DHX35: variants seen among roughly 807,000 people sequenced by gnomAD.
DHX35 encodes the protein DEAH-box helicase 35, also known as probable ATP-dependent RNA helicase DHX35.
Under a neutral mutation model 99.6 loss-of-function variants are expected in DHX35, and 84 were observed. The observed-to-expected ratio is 0.84, with a 90% CI of 0.71 to 1.01. The LOEUF (loss-of-function observed/expected upper bound fraction) is 1.01. Ranked by LOEUF, DHX35 falls within the 50% of genes least tolerant of loss-of-function variation. The pLI is 0.00. For missense variants in DHX35, 852 were observed against 888.5 expected (o/e 0.96, Z 0.52); for synonymous variants, 331 against 316.2 (o/e 1.05, Z -0.50).
chr20:39,030,827 C>T (rs761981810), intron 20 of DHX35, 52 bp downstream of exon 20: 1 of 1,578,480 alleles, frequency 6.3e-7, no homozygotes, highest in South Asian at 1.1e-5. Flanking sequence ...GGGCCATGTT[C>T]TTGTTTTTCT....
chr20:39,021,968 CA>C (rs2086879959), intron 16 of DHX35, 33 bp downstream of exon 16: 1 of 1,606,744 alleles, frequency 6.2e-7, no homozygotes, highest in African/African-American at 1.3e-5. Flanking sequence ...CTGTCTGTAC[CA>C]GTCTCTTTTG....
chr20:38,966,348 C>T (rs1321195396), intron 1 of DHX35, among the ~76,000 whole-genome samples: 1 of 152,194 alleles, frequency 6.6e-6, no homozygotes, highest in East Asian at 1.9e-4. Context: ...AGAAGGTATA[C>T]TGTTTATCAA....
At chr20:38,963,281 C>T (rs1391152003) in intron 1 of DHX35, among the ~76,000 whole-genome samples, 1 of 152,154 alleles carries the variant, frequency 6.6e-6, no homozygotes, top group Non-Finnish European at 1.5e-5. Context: ...TTTTTTTCTA[C>T]CACCTGCACC....
intron 8 of DHX35, among the ~76,000 whole-genome samples, chr20:39,000,730 A>G (rs1225990650): frequency 4.6e-5 from 7 of 152,188 alleles, no homozygotes; most frequent in Non-Finnish European, 7.3e-5. Context: ...GTAAAGGTAC[A>G]TAGGGAAATA....
At chr20:39,028,888 C>G (rs2086999584) in intron 19 of DHX35, among the ~76,000 whole-genome samples, 1 of 152,206 alleles carries the variant, frequency 6.6e-6, no homozygotes, top group East Asian at 1.9e-4. Flanking sequence ...AGTCCCCTCC[C>G]ACCCTGGTAT....
chr20:39,007,698 A>C (rs1477299682), intron 12 of DHX35, among the ~76,000 whole-genome samples: 1 of 152,166 alleles, frequency 6.6e-6, no homozygotes, highest in Non-Finnish European at 1.5e-5. Context: ...GGAAGGTACA[A>C]GTACTTGCAG....
At chr20:38,973,533 T>C (rs960577519) in intron 3 of DHX35, among the ~76,000 whole-genome samples, 3 of 152,248 alleles carry the variant, frequency 2.0e-5, no homozygotes, top group Non-Finnish European at 4.4e-5. Flanking sequence ...TTATTCTGGC[T>C]ACTAACCTCA....
chr20:39,036,555 G>A (rs945371399), intron 21 of DHX35, among the ~76,000 whole-genome samples: 6 of 151,370 alleles, frequency 4.0e-5, no homozygotes, highest in Non-Finnish European at 5.9e-5. Context: ...GTGAAACCCC[G>A]TCTCTACTAA....
intron 18 of DHX35, 119 bp from the exon 19 acceptor site, chr20:39,028,299 G>T (rs1395953452): frequency 3.0e-5 from 28 of 945,472 alleles, no homozygotes; most frequent in Non-Finnish European, 4.4e-5. Context: ...TCAGGAGAGG[G>T]TTTCCAGGTG....
In DHX35 at chr20:38,975,468, C is replaced by T. The variant is rs191038368; in HGVS notation, c.267+2817C>T. 8.3e-4 allele frequency among the ~76,000 whole-genome samples: 126 copies of T among 152,270 alleles called. 1 individual carries two copies. Among genetic ancestry groups the T allele is most frequent in the African/African-American group, 2.9e-3 (122 of 41,562 alleles). Reference sequence around the variant, plus strand: ...TACACATGTTGATCTGTTTAATCCTCAATGACCCTATGAAGCAAATACCAT... The same window carrying T: ...TACACATGTTGATCTGTTTAATCCTTAATGACCCTATGAAGCAAATACCAT... On this transcript the variant is annotated intron_variant, in intron 3 of 21. Transcript: ENST00000252011.
At chr20:39,021,957 G>T (rs368559393) in intron 16 of DHX35, 22 bp downstream of exon 16, 5 of 1,612,178 alleles carry the variant, frequency 3.1e-6, no homozygotes, top group Non-Finnish European at 4.2e-6. Flanking sequence ...CTGTCCCCAG[G>T]CTGTCTGTAC....
At chr20:39,036,719 G>A (rs1207425929) in intron 21 of DHX35, among the ~76,000 whole-genome samples, 2 of 91,278 alleles carry the variant, frequency 2.2e-5, no homozygotes, top group East Asian at 3.4e-4. Context: ...GAGCAAGACT[G>A]TCCCCCCAAA....
In DHX35 at chr20:39,020,606, A is replaced by G. The variant is rs2145929127; in HGVS notation, c.1499-1235A>G. Among the ~76,000 whole-genome samples the G allele has an allele frequency of 1.3e-5, 2 of 148,780 alleles. 1 individual carries two copies. The highest frequency in any genetic ancestry group is 4.3e-4 in the South Asian group (2 of 4,676). ...CCAGTATGGGGAAAGCTAACTAATT[A>G]TGTTTTGGAACAACCACTTGTTCTC... On this transcript the variant is annotated intron_variant, in intron 15 of 21. Coordinates refer to ENST00000252011, the MANE Select transcript of DHX35 (RefSeq NM_021931.4).
chr20:38,998,422 C>T (rs1463268476), intron 8 of DHX35, among the ~76,000 whole-genome samples: 1 of 152,178 alleles, frequency 6.6e-6, no homozygotes, highest in Non-Finnish European at 1.5e-5. Context: ...GTAGACATAG[C>T]TGCTTATCGG....
At chr20:38,982,693 T>G (rs1185890958) in intron 3 of DHX35, among the ~76,000 whole-genome samples, 1 of 152,032 alleles carries the variant, frequency 6.6e-6, no homozygotes, top group Non-Finnish European at 1.5e-5. Context: ...TTTCTTAGTA[T>G]CTATATTATC....
chr20:38,981,976 C>T (rs766741940), intron 3 of DHX35, among the ~76,000 whole-genome samples: 10 of 151,078 alleles, frequency 6.6e-5, no homozygotes, highest in Non-Finnish European at 1.3e-4. Flanking sequence ...AATCATGATC[C>T]GGATGCTAGA....
At chr20:38,994,930 C>A (rs777354525) in intron 8 of DHX35, 50 bp downstream of exon 8, 13 of 1,544,128 alleles carry the variant, frequency 8.4e-6, no homozygotes, top group Non-Finnish European at 1.1e-5. Context: ...CACTTTTGTC[C>A]TATATATCCT....
intron 11 of DHX35, among the ~76,000 whole-genome samples, chr20:39,005,803 T>C (rs2086606608): frequency 6.6e-6 from 1 of 152,230 alleles, no homozygotes; most frequent in African/African-American, 2.4e-5. Flanking sequence ...TGATTTACTT[T>C]GGTTATGCCA....
At chr20:39,036,768 A>G (rs1341239561) in intron 21 of DHX35, among the ~76,000 whole-genome samples, 1 of 151,588 alleles carries the variant, frequency 6.6e-6, no homozygotes, top group Non-Finnish European at 1.5e-5. Context: ...CACCTAATAC[A>G]ACAACCTCAT....
Sources: allele counts gnomAD v4.1 joint callset (sites outside exome capture counted in the v4.1 genomes callset), GRCh38; gene constraint gnomAD v4.1.1; transcripts MANE v1.5; gene names NCBI Gene and HGNC (gene_info 2026-07-23, HGNC 2026-07-21).